Variants in SERPINI2 observed in about 807,000 individuals in gnomAD.
SERPINI2 encodes the protein serpin I2.
In SERPINI2, 48 loss-of-function variants were observed where a neutral mutation model predicts 47.3. That is an observed-to-expected ratio of 1.02 (90% confidence interval 0.81 to 1.29). The LOEUF (loss-of-function observed/expected upper bound fraction) is 1.29. SERPINI2 is among the 50% of genes most tolerant of loss of function. The pLI, the probability that SERPINI2 is intolerant of heterozygous loss-of-function variation, is 0.00. For synonymous variants in SERPINI2, 135 were observed against 149.3 expected (o/e 0.90, Z 0.70); for missense variants, 448 against 456.9 (o/e 0.98, Z 0.18).
chr3:167,450,607 AAGTGG>A (rs1346923721), intron 6 of SERPINI2, among the ~76,000 whole-genome samples: 2 of 152,292 alleles, frequency 1.3e-5, no homozygotes, highest in South Asian at 2.1e-4. Context: ...GAAACCTGTA[AAGTGG>A]AGAGAGATGG....
intron 8 of SERPINI2, among the ~76,000 whole-genome samples, chr3:167,444,288 A>G (rs12487400): frequency 0.59 from 90,369 of 152,000 alleles, 28,876 homozygotes; most frequent in African/African-American, 0.85. Context: ...TGTCCTAGAA[A>G]TTTAGCTTAG....
At chr3:167,445,932 C>T (rs1051629647) in intron 8 of SERPINI2, among the ~76,000 whole-genome samples, 32 of 152,184 alleles carry the variant, frequency 2.1e-4, no homozygotes, top group African/African-American at 7.7e-4. Context: ...TCCCTCAGAA[C>T]CTACATTAGT....
At chr3:167,442,058 A>C in exon 9 of SERPINI2, 4 of 1,410,980 alleles carry the variant, frequency 2.8e-6, no homozygotes, top group African/African-American at 1.5e-5. Flanking sequence ...ATATTTTGCC[A>C]ATCAGCTATT....
At chr3:167,462,074 A>G (rs1344791121) in intron 5 of SERPINI2, among the ~76,000 whole-genome samples, 1 of 152,194 alleles carries the variant, frequency 6.6e-6, no homozygotes, top group African/African-American at 2.4e-5. Flanking sequence ...GGGTGCTAGC[A>G]CTGTTGCAAT....
chr3:167,460,305 T>G (rs1257015657), intron 5 of SERPINI2, among the ~76,000 whole-genome samples: 1 of 152,222 alleles, frequency 6.6e-6, no homozygotes, highest in African/African-American at 2.4e-5. Flanking sequence ...CCCCAAACAT[T>G]TATTGAGCCT....
chr3:167,471,479 T>C, intron 2 of SERPINI2, 109 bp downstream of exon 2: 1 of 1,104,146 alleles, frequency 9.1e-7, no homozygotes, highest in South Asian at 2.4e-5. Flanking sequence ...TTTTGTACTT[T>C]TCATTACATT....
chr3:167,461,619 T>C (rs891198630), intron 5 of SERPINI2, among the ~76,000 whole-genome samples: 3 of 151,950 alleles, frequency 2.0e-5, no homozygotes, highest in African/African-American at 7.3e-5. Flanking sequence ...AGATGCTTTT[T>C]TTTTTTTTGG....
chr3:167,466,206 T>C (rs1293773691), intron 3 of SERPINI2, among the ~76,000 whole-genome samples: 1 of 152,148 alleles, frequency 6.6e-6, no homozygotes, highest in Non-Finnish European at 1.5e-5. Context: ...TTATGAGAAA[T>C]AGGCATGACT....
Position 167,471,596 on chromosome 3 carries a change from G to C in SERPINI2, c.239C>G (p.Thr80Ser), listed in dbSNP as rs1237896620. 1.2e-6 allele frequency: 2 copies of C among 1,613,106 alleles called. No individual in the cohort carries two copies. The highest frequency in any genetic ancestry group is 1.7e-6 in the Non-Finnish European group (2 of 1,179,510). ...AGATGTAAGAGTCTCACCAGCTGAG[G>C]TTTCCTGTTGTTTTAAAGTTTGTCT... is the stretch of plus-strand genomic sequence containing the variant. The change falls in exon 2 of 9, where the codon ACC becomes AGC. Residue 80 changes from threonine to serine, a missense_variant. By Grantham distance (58) the Thr-to-Ser change is moderately conservative (BLOSUM62 1). Coordinates refer to ENST00000264677, the Ensembl canonical transcript of SERPINI2.
At chr3:167,452,536 T>C (rs1207780407) in intron 6 of SERPINI2, among the ~76,000 whole-genome samples, 1 of 152,236 alleles carries the variant, frequency 6.6e-6, no homozygotes, top group South Asian at 2.1e-4. Context: ...CTATTTCATG[T>C]GTTCTCATAT....
intron 6 of SERPINI2, among the ~76,000 whole-genome samples, chr3:167,452,206 C>T (rs1749659550): frequency 6.6e-6 from 1 of 152,126 alleles, no homozygotes. Flanking sequence ...CAAGCTTAGG[C>T]CCATTTTTAT....
chr3:167,443,196 C>T (rs1194924988), intron 8 of SERPINI2, among the ~76,000 whole-genome samples: 1 of 152,210 alleles, frequency 6.6e-6, no homozygotes, highest in Non-Finnish European at 1.5e-5. Context: ...CAAGCTCCGC[C>T]TCCCGGGTTC....
chr3:167,468,345 AT>A (rs199945347), intron 2 of SERPINI2, among the ~76,000 whole-genome samples: 94 of 148,370 alleles, frequency 6.3e-4, no homozygotes, highest in African/African-American at 1.4e-3. Context: ...GTGTAAATAC[AT>A]TTTTTTTTTT....
intron 1 of SERPINI2, among the ~76,000 whole-genome samples, chr3:167,472,346 GCTAA>G (rs1321433440): frequency 6.6e-6 from 1 of 151,906 alleles, no homozygotes; most frequent in African/African-American, 2.4e-5. Context: ...GAGTAATCTG[GCTAA>G]CTTTTTACAA....
intron 5 of SERPINI2, among the ~76,000 whole-genome samples, chr3:167,458,368 A>C (rs1475364401): frequency 6.8e-6 from 1 of 146,324 alleles, no homozygotes; most frequent in African/African-American, 2.5e-5. Flanking sequence ...TTCCTGCCTC[A>C]GCCTCCCGAG....
At chr3:167,460,146 G>A (rs186495932) in intron 5 of SERPINI2, among the ~76,000 whole-genome samples, 26 of 152,308 alleles carry the variant, frequency 1.7e-4, no homozygotes, top group African/African-American at 6.3e-4. Flanking sequence ...GTGTTGTGCT[G>A]TTATAGCAGC....
chr3:167,465,191 A>G lies in SERPINI2; in HGVS notation c.866+15T>C, dbSNP rs1467277089. 6.3e-7 allele frequency: 1 copy of G among 1,592,454 alleles called. No homozygotes were observed. The highest frequency in any genetic ancestry group is 1.9e-5 in the Admixed American group (1 of 53,412). ...GGAAACGTAAGAACTCGTATAATAA[A>G]ATAACATCACCAACCTAGGGAGGCT... is the stretch of plus-strand genomic sequence containing the variant. On this transcript the variant is annotated intron_variant, in intron 5 of 8. Coordinates refer to ENST00000264677, the Ensembl canonical transcript of SERPINI2.
intron 5 of SERPINI2, among the ~76,000 whole-genome samples, chr3:167,454,772 C>G (rs1749738706): frequency 6.6e-6 from 1 of 152,120 alleles, no homozygotes; most frequent in Non-Finnish European, 1.5e-5. Context: ...CAGCCAATTC[C>G]TAATTATCCA....
intron 1 of SERPINI2, 85 bp from the exon 2 acceptor site, chr3:167,471,929 G>A (rs1750339214): frequency 3.1e-6 from 3 of 974,006 alleles, no homozygotes; most frequent in Non-Finnish European, 4.6e-6. Context: ...ACCTGTTGTA[G>A]CTTTCTATCT....
Sources: gnomAD v4.1 joint callset for allele counts (sites outside exome capture counted in the v4.1 genomes callset) on GRCh38, gnomAD v4.1.1 for gene constraint, MANE v1.5 for transcripts, NCBI Gene and HGNC (gene_info 2026-07-23, HGNC 2026-07-21) for gene names.